Variants in LRP1B observed in about 807,000 individuals in gnomAD.
LRP1B encodes the protein low-density lipoprotein receptor-related protein 1B.
LRP1B carries 217 observed loss-of-function variants against 556.6 expected under a neutral mutation model. The ratio of observed to expected loss-of-function variants is 0.39; its 90% confidence interval spans 0.35 to 0.44. The LOEUF (loss-of-function observed/expected upper bound fraction) is 0.44, where lower values mean the gene tolerates loss of function less well. Among genes scored for constraint, LRP1B ranks in the 20% least tolerant of loss-of-function variants. LRP1B has a pLI of 1.00. For missense variants in LRP1B, 5,053 were observed against 5,620.8 expected (o/e 0.90, Z 3.23); for synonymous variants, 2,047 against 1,865.8 (o/e 1.10, Z -2.50).
chr2:140,248,151 GCTTC>G (rs1681248864), intron 86 of LRP1B, among the ~76,000 whole-genome samples: 2 of 151,634 alleles, frequency 1.3e-5, no homozygotes, highest in Non-Finnish European at 3.0e-5. Context: ...ATCTGAGGCT[GCTTC>G]CTGAGCTAAG....
rs114490894 is a variant in LRP1B at position 142,053,281 on chromosome 2, T to C, written c.82+77367A>G. Among the ~76,000 whole-genome samples the C allele has an allele frequency of 6.0e-3, 911 of 152,268 alleles. 6 individuals carry two copies. The highest frequency in any genetic ancestry group is 0.021 in the African/African-American group (863 of 41,566). Reference sequence around the variant, plus strand: ...ACTATAGCAATTTAGCTATTTTACTTTAAAAATGTGTTCATTTTGTTTGGC... The same window carrying C: ...ACTATAGCAATTTAGCTATTTTACTCTAAAAATGTGTTCATTTTGTTTGGC... On this transcript the variant is annotated intron_variant, in intron 1 of 90. Transcript: ENST00000389484.
At chr2:140,851,916 A>C (rs1373040234) in intron 27 of LRP1B, 133 bp from the exon 28 acceptor site, 2 of 607,526 alleles carry the variant, frequency 3.3e-6, no homozygotes, top group Non-Finnish European at 5.6e-6. Context: ...TAGGGTGATT[A>C]ATATGACAAT....
chr2:141,510,802 A>G (rs1218566692), intron 2 of LRP1B, among the ~76,000 whole-genome samples: 1 of 151,420 alleles, frequency 6.6e-6, no homozygotes, highest in African/African-American at 2.4e-5. Context: ...TAGTATTTTC[A>G]CCATCCTTAC....
chr2:141,798,276 A>T (rs192974093), intron 2 of LRP1B, among the ~76,000 whole-genome samples: 1 of 152,232 alleles, frequency 6.6e-6, no homozygotes, highest in East Asian at 1.9e-4. Context: ...CAGTGTATAC[A>T]GGTGTTTATC....
In LRP1B at chr2:141,787,821, A is replaced by G. The variant is rs1695475088; in HGVS notation, c.205+22458T>C. Among the ~76,000 whole-genome samples the G allele has an allele frequency of 2.6e-5, 4 of 151,732 alleles. 1 individual carries two copies. The South Asian group carries it at 8.3e-4, about 31-fold the overall frequency. ...GCTACATATACTTACAATGTTGCTC[A>G]TCTTTAAACTACTAATTTCTAATGA... is the stretch of plus-strand genomic sequence containing the variant. On this transcript the variant is annotated intron_variant, in intron 2 of 90. Transcript: ENST00000389484.
chr2:140,920,410 T>A (rs182197524), intron 21 of LRP1B, among the ~76,000 whole-genome samples: 346 of 152,216 alleles, frequency 2.3e-3, no homozygotes, highest in African/African-American at 7.9e-3. Flanking sequence ...TTACCATATA[T>A]AAATTAATTA....
chr2:141,522,438 A>G (rs1471654318), intron 2 of LRP1B, among the ~76,000 whole-genome samples: 1 of 94,990 alleles, frequency 1.1e-5, no homozygotes, highest in African/African-American at 3.0e-5. Context: ...AAACGTTGCC[A>G]ATACATCAGT....
intron 2 of LRP1B, among the ~76,000 whole-genome samples, chr2:141,486,510 C>G (rs566241387): frequency 3.3e-5 from 5 of 152,192 alleles, no homozygotes; most frequent in African/African-American, 1.2e-4. Context: ...TTTTCTTCTA[C>G]TCTAATGGCA....
intron 3 of LRP1B, among the ~76,000 whole-genome samples, chr2:141,376,480 C>T (rs140446703): frequency 6.6e-6 from 1 of 152,290 alleles, no homozygotes; most frequent in African/African-American, 2.4e-5. Flanking sequence ...CTCTCCTAGA[C>T]AATCTCTTCA....
intron 3 of LRP1B, among the ~76,000 whole-genome samples, chr2:141,372,105 A>G (rs2105593442): frequency 6.6e-6 from 1 of 152,294 alleles, no homozygotes; most frequent in Non-Finnish European, 1.5e-5. Flanking sequence ...CTTTTTCTGC[A>G]TCTATTCAGA....
intron 2 of LRP1B, among the ~76,000 whole-genome samples, chr2:141,725,645 G>T (rs1693001581): frequency 6.6e-6 from 1 of 151,706 alleles, no homozygotes; most frequent in African/African-American, 2.4e-5. Flanking sequence ...ATTTTAAAAA[G>T]AATACAAGTA....
In LRP1B at chr2:140,353,008, A is replaced by G. The variant is rs143030096; in HGVS notation, c.11595T>C (p.Tyr3865=). The G allele has an allele frequency of 4.6e-4, 744 of 1,612,936 alleles. 2 individuals are homozygous for G. The highest frequency in any genetic ancestry group is 1.2e-3 in the Admixed American group (72 of 59,976). Residue 3865 remains tyrosine, a synonymous_variant, in exon 76 of 91, where the codon TAT becomes TAC. Transcript: ENST00000389484. ...SHQCINVEGS[Y]KCVCDQNFQE... ...GAAAATTCTGGTCACACACACATTT[A>G]TATGATCCTTCCACATTTATACATT...
intron 41 of LRP1B, among the ~76,000 whole-genome samples, chr2:140,640,569 G>A (rs1272736910): frequency 1.3e-5 from 2 of 148,628 alleles, no homozygotes; most frequent in East Asian, 4.1e-4. Flanking sequence ...CTAATTTTTT[G>A]TATTTTTAGT....
At chr2:141,335,103 A>C (rs1687800583) in intron 3 of LRP1B, among the ~76,000 whole-genome samples, 2 of 152,194 alleles carry the variant, frequency 1.3e-5, no homozygotes, top group South Asian at 4.1e-4. Context: ...ATCCTTTTTA[A>C]CATAGCAGTG....
intron 41 of LRP1B, among the ~76,000 whole-genome samples, chr2:140,675,587 A>G (rs1257284614): frequency 6.6e-6 from 1 of 152,168 alleles, no homozygotes; most frequent in Non-Finnish European, 1.5e-5. Flanking sequence ...TCTGGGCAAC[A>G]CAGTGAGATT....
intron 3 of LRP1B, among the ~76,000 whole-genome samples, chr2:141,346,825 G>A (rs1251256718): frequency 6.6e-6 from 1 of 152,032 alleles, no homozygotes; most frequent in Non-Finnish European, 1.5e-5. Flanking sequence ...TTAGAATTCA[G>A]CTTTAATACA....
chr2:141,675,981 T>C (rs979588412), intron 2 of LRP1B, among the ~76,000 whole-genome samples: 3 of 152,104 alleles, frequency 2.0e-5, no homozygotes, highest in Non-Finnish European at 4.4e-5. Context: ...ATTTGAAGTT[T>C]ACACCCACAT....
At chr2:140,798,182 C>T (rs1033614103) in intron 32 of LRP1B, among the ~76,000 whole-genome samples, 3 of 152,154 alleles carry the variant, frequency 2.0e-5, no homozygotes, top group Non-Finnish European at 4.4e-5. Context: ...CTGTTTTATA[C>T]TCTGCTGTTT....
chr2:142,085,801 C>T (rs971974556), intron 1 of LRP1B, among the ~76,000 whole-genome samples: 2 of 152,108 alleles, frequency 1.3e-5, no homozygotes, highest in Admixed American at 6.5e-5. Flanking sequence ...TGTGGTTTGA[C>T]TATGTAAATA....
Sources: gnomAD v4.1 joint callset for allele counts (sites outside exome capture counted in the v4.1 genomes callset) on GRCh38, gnomAD v4.1.1 for gene constraint, MANE v1.5 for transcripts, NCBI Gene and HGNC (gene_info 2026-07-23, HGNC 2026-07-21) for gene names.